FGF14: variants seen among roughly 807,000 people sequenced by gnomAD.
The protein encoded by FGF14 is fibroblast growth factor 14, also known as fibroblast growth factor homologous factor 4.
In FGF14, 5 loss-of-function variants were observed where a neutral mutation model predicts 25.5. The observed-to-expected ratio is 0.20, with a 90% CI of 0.10 to 0.41. The LOEUF is 0.41. FGF14 is among the 10% of genes least tolerant of loss of function. The probability of loss-of-function intolerance (pLI) is 1.00; values close to 1 mark genes in which losing one functional copy is unlikely to be tolerated. For synonymous variants in FGF14, 138 were observed against 118.3 expected (o/e 1.17, Z -1.08); for missense variants, 222 against 320.1 (o/e 0.69, Z 2.34).
At chr13:102,012,822 T>C (rs2040150195) in intron 1 of FGF14, among the ~76,000 whole-genome samples, 1 of 152,138 alleles carries the variant, frequency 6.6e-6, no homozygotes, top group Admixed American at 6.5e-5. Context: ...TGCCCAGTAC[T>C]GGCTCACATA....
intron 1 of FGF14, among the ~76,000 whole-genome samples, chr13:102,247,371 AAAG>A (rs2051929574): frequency 6.6e-6 from 1 of 152,278 alleles, no homozygotes; most frequent in East Asian, 1.9e-4. Context: ...TAAAGAACTT[AAAG>A]AAATTTACAA....
chr13:102,207,863 A>C (rs2050000948), intron 1 of FGF14, among the ~76,000 whole-genome samples: 1 of 146,222 alleles, frequency 6.8e-6, no homozygotes, highest in Non-Finnish European at 1.5e-5. Flanking sequence ...TTTCTTACCC[A>C]ATGATAGAAG....
chr13:101,893,371 T>C (rs562004081), intron 1 of FGF14, among the ~76,000 whole-genome samples: 2 of 152,258 alleles, frequency 1.3e-5, no homozygotes, highest in South Asian at 2.1e-4. Flanking sequence ...CCATGATGTA[T>C]TGTGATTATG....
intron 1 of FGF14, among the ~76,000 whole-genome samples, chr13:101,931,201 G>A (rs529379122): frequency 6.6e-5 from 10 of 152,150 alleles, no homozygotes; most frequent in African/African-American, 2.4e-4. Flanking sequence ...GAGATCAAAC[G>A]AACCCTGTAG....
intron 1 of FGF14, among the ~76,000 whole-genome samples, chr13:101,896,735 G>A (rs934978254): frequency 6.6e-6 from 1 of 152,160 alleles, no homozygotes; most frequent in Admixed American, 6.5e-5. Context: ...GTATATCTGT[G>A]TGTGTGCTTT....
At chr13:101,966,503 G>A (rs778282369) in intron 1 of FGF14, among the ~76,000 whole-genome samples, 1 of 151,906 alleles carries the variant, frequency 6.6e-6, no homozygotes, top group Non-Finnish European at 1.5e-5. Flanking sequence ...GTTTTTTTGA[G>A]ACAGAGTCTC....
intron 1 of FGF14, among the ~76,000 whole-genome samples, chr13:101,912,391 G>T (rs1246197719): frequency 1.3e-5 from 2 of 152,118 alleles, no homozygotes; most frequent in African/African-American, 2.4e-5. Flanking sequence ...CCATGCCAAA[G>T]ATTTAGAAAG....
chr13:101,893,967 C>G (rs1303232218), intron 1 of FGF14, among the ~76,000 whole-genome samples: 1 of 151,142 alleles, frequency 6.6e-6, no homozygotes, highest in African/African-American at 2.4e-5. Flanking sequence ...GGCAGGTCCT[C>G]TGTGTTAGTG....
At chr13:101,866,379 C>G (rs991272749) in intron 3 of FGF14, among the ~76,000 whole-genome samples, 5 of 152,092 alleles carry the variant, frequency 3.3e-5, no homozygotes, top group Non-Finnish European at 5.9e-5. Flanking sequence ...ATGAGTCATA[C>G]TAACTATGCT....
chr13:101,998,235 T>C (rs922844576), intron 1 of FGF14, among the ~76,000 whole-genome samples: 1 of 152,216 alleles, frequency 6.6e-6, no homozygotes, highest in Non-Finnish European at 1.5e-5. Context: ...GACTTCTGCT[T>C]ACTCTCAAGA....
intron 1 of FGF14, among the ~76,000 whole-genome samples, chr13:101,976,515 G>T (rs1489011861): frequency 6.6e-6 from 1 of 152,108 alleles, no homozygotes; most frequent in African/African-American, 2.4e-5. Flanking sequence ...GTATGTGCAG[G>T]TTTGTTACAT....
intron 1 of FGF14, among the ~76,000 whole-genome samples, chr13:101,908,908 A>G (rs992191059): frequency 6.6e-6 from 1 of 152,218 alleles, no homozygotes; most frequent in African/African-American, 2.4e-5. Context: ...GATGAATGGA[A>G]CAGAACAGAG....
chr13:101,776,157 T>C (rs1031739913), intron 3 of FGF14, among the ~76,000 whole-genome samples: 1 of 152,128 alleles, frequency 6.6e-6, no homozygotes, highest in Non-Finnish European at 1.5e-5. Context: ...TTCACATTAT[T>C]ATCAGTGGGG....
At chr13:101,981,060 G>A (rs1175663139) in intron 1 of FGF14, among the ~76,000 whole-genome samples, 2 of 139,538 alleles carry the variant, frequency 1.4e-5, no homozygotes, top group Admixed American at 7.7e-5. Context: ...TGGGCAACAT[G>A]GTGAAACCTC....
intron 3 of FGF14, among the ~76,000 whole-genome samples, chr13:101,811,156 G>A (rs1048946609): frequency 6.6e-6 from 1 of 151,090 alleles, no homozygotes; most frequent in Non-Finnish European, 1.5e-5. Flanking sequence ...GTTCACTCTT[G>A]GTGCTGCACA....
chr13:102,305,896 A>C (rs942223288), intron 1 of FGF14, among the ~76,000 whole-genome samples: 8 of 152,186 alleles, frequency 5.3e-5, no homozygotes, highest in African/African-American at 1.9e-4. Flanking sequence ...TAAATCTAAA[A>C]TTGAAGACAA....
Position 101,910,185 on chromosome 13 carries a change from T to C in FGF14, c.193+6268A>G, listed in dbSNP as rs568648675. On this transcript the variant is annotated intron_variant, in intron 1 of 4. Transcript: ENST00000376143. Reference sequence around the variant, plus strand: ...GTGCAGCACACCAACACGGCACATGTATACATATGTAACAAACCTGCGCTT... The same window carrying C: ...GTGCAGCACACCAACACGGCACATGCATACATATGTAACAAACCTGCGCTT... Among the ~76,000 whole-genome samples the C allele has an allele frequency of 5.9e-5, 9 of 152,172 alleles. No individual in the cohort carries two copies. In the South Asian group the frequency reaches 1.7e-3, roughly 28 times the overall value.
chr13:101,803,198 A>C (rs1428544241), intron 3 of FGF14, among the ~76,000 whole-genome samples: 1 of 149,368 alleles, frequency 6.7e-6, no homozygotes, highest in East Asian at 2.0e-4. Flanking sequence ...GCATGATCAC[A>C]GTTCATTGCA....
At chr13:102,120,310 A>G (rs1383801798) in intron 1 of FGF14, among the ~76,000 whole-genome samples, 1 of 152,206 alleles carries the variant, frequency 6.6e-6, no homozygotes, top group South Asian at 2.1e-4. Flanking sequence ...AAAAGCAAAG[A>G]AAGTGGAAAG....
Sources: allele counts gnomAD v4.1 joint callset (sites outside exome capture counted in the v4.1 genomes callset), GRCh38; gene constraint gnomAD v4.1.1; transcripts MANE v1.5; gene names NCBI Gene and HGNC (gene_info 2026-07-23, HGNC 2026-07-21).